The following OSBPL8 variants were observed in gnomAD, a reference collection of about 807,000 sequenced individuals.
OSBPL8 encodes the protein oxysterol-binding protein-related protein 8.
Under a neutral mutation model 125.5 loss-of-function variants are expected in OSBPL8, and 59 were observed. The ratio of observed to expected loss-of-function variants is 0.47; its 90% CI spans 0.38 to 0.58. OSBPL8 has a LOEUF of 0.58. OSBPL8 is among the 20% of genes least tolerant of loss of function. The pLI is 0.00. For missense variants in OSBPL8, 758 were observed against 1,047.8 expected (o/e 0.72, Z 3.82); for synonymous variants, 330 against 338.9 (o/e 0.97, Z 0.29).
chr12:76,425,701 T>C (rs1870069557), intron 4 of OSBPL8, among the ~76,000 whole-genome samples: 2 of 152,200 alleles, frequency 1.3e-5, no homozygotes, highest in African/African-American at 4.8e-5. Flanking sequence ...TTCAAGCTGA[T>C]GTTTGGATCA....
intron 1 of OSBPL8, among the ~76,000 whole-genome samples, chr12:76,510,895 A>ATAT (rs113497338): frequency 8.4e-4 from 123 of 145,656 alleles, no homozygotes; most frequent in African/African-American, 1.6e-3. Flanking sequence ...AAAAAAAAAA[A>ATAT]AAATATATTT....
intron 3 of OSBPL8, among the ~76,000 whole-genome samples, chr12:76,452,059 G>A (rs1214005232): frequency 2.6e-5 from 4 of 152,034 alleles, no homozygotes; most frequent in Admixed American, 2.6e-4. Flanking sequence ...AGAGGTTGCA[G>A]TGAGCAGAGA....
At chr12:76,404,206 A>G (rs1954162890) in intron 5 of OSBPL8, among the ~76,000 whole-genome samples, 1 of 152,144 alleles carries the variant, frequency 6.6e-6, no homozygotes, top group Non-Finnish European at 1.5e-5. Context: ...CAAGCCAAAC[A>G]GGTTTCTGTC....
chr12:76,509,679 T>C (rs1955551389), intron 1 of OSBPL8, among the ~76,000 whole-genome samples: 2 of 152,092 alleles, frequency 1.3e-5, no homozygotes, highest in African/African-American at 4.8e-5. Flanking sequence ...ATGATGATAA[T>C]AATGGAAGAC....
At chr12:76,558,311 A>T (rs1438293242) in intron 1 of OSBPL8, among the ~76,000 whole-genome samples, 1 of 152,188 alleles carries the variant, frequency 6.6e-6, no homozygotes, top group Non-Finnish European at 1.5e-5. Flanking sequence ...CAGCAAAATC[A>T]AGTTTAGATG....
intron 21 of OSBPL8, 28 bp downstream of exon 21, chr12:76,369,186 C>A (rs781641559): frequency 1.3e-6 from 2 of 1,593,404 alleles, no homozygotes; most frequent in Non-Finnish European, 8.5e-7. Context: ...ATTTATATAC[C>A]TAGTGTACCT....
intron 1 of OSBPL8, among the ~76,000 whole-genome samples, chr12:76,527,253 G>A (rs928624319): frequency 6.6e-6 from 1 of 151,810 alleles, no homozygotes; most frequent in Non-Finnish European, 1.5e-5. Context: ...CCGGGGTGGG[G>A]GGGGATTGTG....
At chr12:76,429,062 A>T (rs562429595) in intron 4 of OSBPL8, among the ~76,000 whole-genome samples, 1 of 152,254 alleles carries the variant, frequency 6.6e-6, no homozygotes, top group South Asian at 2.1e-4. Flanking sequence ...TATACCAAGC[A>T]ATCTTATTAT....
At chr12:76,398,390 A>G (rs2136334781) in intron 7 of OSBPL8, among the ~76,000 whole-genome samples, 1 of 152,266 alleles carries the variant, frequency 6.6e-6, no homozygotes, top group South Asian at 2.1e-4. Flanking sequence ...AGCCCCTAAA[A>G]TTACCTTATT....
At chr12:76,490,359 T>C (rs1205549633) in intron 1 of OSBPL8, among the ~76,000 whole-genome samples, 2 of 152,186 alleles carry the variant, frequency 1.3e-5, no homozygotes, top group South Asian at 2.1e-4. Flanking sequence ...AAACCACCCA[T>C]GGACCTGTCC....
At chr12:76,392,463 T>C in intron 10 of OSBPL8, 118 bp downstream of exon 10, 1 of 856,696 alleles carries the variant, frequency 1.2e-6, no homozygotes. Context: ...GGCCATATAA[T>C]GGGAAGATAT....
intron 6 of OSBPL8, among the ~76,000 whole-genome samples, chr12:76,402,483 C>A (rs1954090748): frequency 6.6e-6 from 1 of 152,174 alleles, no homozygotes; most frequent in South Asian, 2.1e-4. Flanking sequence ...GCAGTCTGCT[C>A]TGTGACAGTC....
chr12:76,552,361 G>A (rs1487291373), intron 1 of OSBPL8, among the ~76,000 whole-genome samples: 4 of 138,550 alleles, frequency 2.9e-5, no homozygotes, highest in Non-Finnish European at 6.0e-5. Context: ...AGGAGGCGAA[G>A]GTTGCAGTGA....
chr12:76,506,958 A>C (rs1880480373), intron 1 of OSBPL8, among the ~76,000 whole-genome samples: 1 of 148,974 alleles, frequency 6.7e-6, no homozygotes, highest in East Asian at 1.9e-4. Flanking sequence ...TGCTGTTTTA[A>C]GTATTTTAAA....
At chr12:76,525,902 C>A (rs1950158105) in intron 1 of OSBPL8, among the ~76,000 whole-genome samples, 1 of 152,154 alleles carries the variant, frequency 6.6e-6, no homozygotes, top group African/African-American at 2.4e-5. Context: ...TTTTTGAATA[C>A]CTACTACGTG....
At chr12:76,453,617 G>C (rs1435327959) in intron 3 of OSBPL8, among the ~76,000 whole-genome samples, 1 of 151,878 alleles carries the variant, frequency 6.6e-6, no homozygotes, top group Non-Finnish European at 1.5e-5. Context: ...AAGCAAAACT[G>C]GAAAATCTTT....
intron 14 of OSBPL8, 51 bp from the exon 15 acceptor site, chr12:76,384,401 T>C (rs1953206789): frequency 9.9e-7 from 1 of 1,014,786 alleles, no homozygotes; most frequent in Admixed American, 2.7e-5. Context: ...AACATGTTTA[T>C]ATAAAATATA....
chr12:76,477,884 T>A lies in OSBPL8; in HGVS notation c.42+9626A>T, dbSNP rs554583617. 2.0e-3 allele frequency among the ~76,000 whole-genome samples: 295 copies of A among 151,112 alleles called. 1 individual carries two copies. Among genetic ancestry groups the A allele is most frequent in the African/African-American group, 6.8e-3 (280 of 41,188 alleles). ...AAAATATATATATCTTAGAAAAAAT[T>A]AAACTAAAAAAAAAAAATTGAAAAC... is the stretch of plus-strand genomic sequence containing the variant. On this transcript the variant is annotated intron_variant, in intron 2 of 23. Coordinates refer to ENST00000261183, the MANE Select transcript of OSBPL8 (RefSeq NM_020841.5).
intron 1 of OSBPL8, among the ~76,000 whole-genome samples, chr12:76,523,164 G>T (rs1950071052): frequency 6.6e-6 from 1 of 152,112 alleles, no homozygotes; most frequent in Non-Finnish European, 1.5e-5. Flanking sequence ...TTTCCAGTAA[G>T]AAATTGTTAT....
Sources: gnomAD v4.1 joint callset for allele counts (sites outside exome capture counted in the v4.1 genomes callset) on GRCh38, gnomAD v4.1.1 for gene constraint, MANE v1.5 for transcripts, NCBI Gene and HGNC (gene_info 2026-07-23, HGNC 2026-07-21) for gene names.